Variants in ARGLU1 observed in about 807,000 individuals in gnomAD.
The protein encoded by ARGLU1 is arginine and glutamate rich 1, also known as arginine and glutamate-rich protein 1.
In ARGLU1, 9 loss-of-function variants were observed where a neutral mutation model predicts 37.6. That is an observed-to-expected ratio of 0.24 (90% confidence interval 0.14 to 0.42). ARGLU1 has a LOEUF of 0.42. Ranked by LOEUF, ARGLU1 falls within the 10% of genes least tolerant of loss-of-function variation. ARGLU1 has a pLI of 1.00. For missense variants in ARGLU1, 211 were observed against 359.2 expected, an observed-to-expected ratio of 0.59 and a Z score of 3.34; for synonymous variants, 166 against 138.5, an observed-to-expected ratio of 1.20 and a Z score of -1.39.
At chr13:106,556,377 C>T (rs924055911) in intron 3 of ARGLU1, among the ~76,000 whole-genome samples, 4 of 152,150 alleles carry the variant, frequency 2.6e-5, no homozygotes, top group Admixed American at 6.5e-5. Context: ...GAAACAACTG[C>T]CCCGTATTAA....
At chr13:106,564,422 A>G (rs760919291) in intron 1 of ARGLU1, among the ~76,000 whole-genome samples, 2 of 152,248 alleles carry the variant, frequency 1.3e-5, no homozygotes, top group Admixed American at 6.5e-5. Context: ...ACTCAGAATT[A>G]TAAGTGGTAA....
Position 106,557,733 on chromosome 13 carries a change from A to G in ARGLU1, c.574-602T>C, listed in dbSNP as rs1208243372. On this transcript the variant is annotated intron_variant, in intron 2 of 3. Transcript: ENST00000400198. The surrounding 1 kb of genome is among the most constrained non-coding windows in gnomAD (Gnocchi z 5.0). ...AGGAATGCAGATGTTTATGGTAAGA[A>G]GGAACAAAAAATGTAATTCATCATT... is the stretch of plus-strand genomic sequence containing the variant. The G allele has an allele frequency of 7.3e-7, 1 of 1,361,186 alleles. No homozygotes were observed. Among genetic ancestry groups the G allele is most frequent in the Non-Finnish European group, 9.6e-7 (1 of 1,045,900 alleles). 84.3% of individuals were successfully genotyped at this position (1,361,186 alleles called of 1,614,324 possible).
intron 1 of ARGLU1, among the ~76,000 whole-genome samples, chr13:106,565,235 G>A (rs1594196123): frequency 6.6e-6 from 1 of 152,104 alleles, no homozygotes; most frequent in South Asian, 2.1e-4. Context: ...GTCACTCCAT[G>A]ACTTAAATAT....
chr13:106,549,699 CCT>C (rs757140302), intron 3 of ARGLU1, among the ~76,000 whole-genome samples: 6 of 152,170 alleles, frequency 3.9e-5, no homozygotes, highest in African/African-American at 7.2e-5. Context: ...CCCTTTACCC[CCT>C]TTTATTCTTA....
chr13:106,552,348 CA>C (rs1218797135), intron 3 of ARGLU1, among the ~76,000 whole-genome samples: 1 of 152,162 alleles, frequency 6.6e-6, no homozygotes, highest in Non-Finnish European at 1.5e-5. Flanking sequence ...CATCTCCCAT[CA>C]AAAGTAATTT....
chr13:106,567,978 GC>G lies in ARGLU1; in HGVS notation c.-60del. On this transcript the variant is annotated 5_prime_UTR_variant, in exon 1 of 4. Coordinates refer to ENST00000400198, the MANE Select transcript of ARGLU1 (RefSeq NM_018011.4). This position sits in a 1 kb window ranked among gnomAD's most constrained non-coding sequence, Gnocchi z 4.3. Reference sequence around the variant, plus strand: ...GCCCCTCACGCGGCCAGTTCCCCTCGCCTCCGCCTTCGGACGCGGGCTGGCG... The same window carrying G: ...GCCCCTCACGCGGCCAGTTCCCCTCGCTCCGCCTTCGGACGCGGGCTGGCG... The G allele has an allele frequency of 6.5e-7, 1 of 1,527,518 alleles. No homozygotes were observed. The highest frequency in any genetic ancestry group is 8.7e-7 in the Non-Finnish European group (1 of 1,150,212). 94.6% of individuals were successfully genotyped at this position (1,527,518 alleles called of 1,614,324 possible). A position where few individuals can be genotyped will look rare whatever the true frequency, so the allele number is the denominator to read the frequency against.
In ARGLU1 at chr13:106,542,170, A is replaced by AT. The variant is rs1038542435; in HGVS notation, c.*1825dup. The AT allele has an allele frequency of 6.6e-5, 10 of 152,174 alleles. No homozygotes were observed. Among genetic ancestry groups the AT allele is most frequent in the African/African-American group, 1.2e-4 (5 of 41,438 alleles). The allele number at this position is 152,174 out of a possible 1,614,324, so 9.4% of individuals were successfully genotyped here. On this transcript the variant is annotated 3_prime_UTR_variant, in exon 4 of 4. Coordinates refer to ENST00000400198, the MANE Select transcript of ARGLU1 (RefSeq NM_018011.4). ...AGGCACGCATAAGCTGATTTCAAAT[A>AT]TTTTAAGTCCAGGCTACTCTCTTTA...
Position 106,558,000 on chromosome 13 carries a change from T to C in ARGLU1, c.574-869A>G, listed in dbSNP as rs1185540592. On this transcript the variant is annotated intron_variant, in intron 2 of 3. Transcript: ENST00000400198. The surrounding 1 kb of genome is among the most constrained non-coding windows in gnomAD (Gnocchi z 5.0). ...ACTTATTTTTTCTTGGAGAATTTAA[T>C]GAGATTTTATAATGCAAACTGTATG... 1.0e-5 allele frequency: 10 copies of C among 985,264 alleles called. No individual in the cohort carries two copies. The highest frequency in any genetic ancestry group is 1.2e-5 in the Non-Finnish European group (10 of 829,898). The allele number at this position is 985,264 out of a possible 1,614,324, so 61.0% of individuals were successfully genotyped here.
Position 106,544,894 on chromosome 13 carries a change from G to A in ARGLU1, c.658-734C>T, listed in dbSNP as rs544267352. Reference sequence around the variant, plus strand: ...ATAAAGTGCTATCTAATTTCAAAAGGACACTGGTATAACTGATTCCACTCC... The same window carrying A: ...ATAAAGTGCTATCTAATTTCAAAAGAACACTGGTATAACTGATTCCACTCC... On this transcript the variant is annotated intron_variant, in intron 3 of 3. Coordinates refer to ENST00000400198, the MANE Select transcript of ARGLU1 (RefSeq NM_018011.4). Among the ~76,000 whole-genome samples the A allele has an allele frequency of 2.6e-5, 4 of 152,240 alleles. No homozygotes were observed. In the South Asian group the frequency reaches 8.3e-4, roughly 32 times the overall value.
At position 106,568,099 on chromosome 13, in the gene ARGLU1, G is replaced by A; in HGVS notation, c.-180C>T. 12 of 961,284 alleles carry A rather than the reference G, an allele frequency of 1.2e-5. No homozygotes were observed. Among genetic ancestry groups the A allele is most frequent in the Non-Finnish European group, 1.7e-5 (12 of 691,472 alleles). 59.5% of individuals were successfully genotyped at this position (961,284 alleles called of 1,614,324 possible). ...CTGCCACGAAGGCCGCCTCCAACGAGAAACCCGTAGCGCCAGGCGCCCCTA... is the reference window on the plus strand; with the variant it reads ...CTGCCACGAAGGCCGCCTCCAACGAAAAACCCGTAGCGCCAGGCGCCCCTA... On this transcript the variant is annotated 5_prime_UTR_variant, in exon 1 of 4. Coordinates refer to ENST00000400198, the MANE Select transcript of ARGLU1 (RefSeq NM_018011.4).
chr13:106,558,325 G>C, intron 2 of ARGLU1: 2 of 985,072 alleles, frequency 2.0e-6, no homozygotes, highest in Non-Finnish European at 2.4e-6. Flanking sequence ...TCTAGTTAAA[G>C]ACAGGACAAG....
At chr13:106,546,496 C>T (rs1399952718) in intron 3 of ARGLU1, among the ~76,000 whole-genome samples, 2 of 152,160 alleles carry the variant, frequency 1.3e-5, no homozygotes, top group African/African-American at 4.8e-5. Context: ...CACTCTCTTC[C>T]TTAGGCTTTC....
chr13:106,551,056 C>A (rs1243554454), intron 3 of ARGLU1, among the ~76,000 whole-genome samples: 1 of 152,196 alleles, frequency 6.6e-6, no homozygotes, highest in Non-Finnish European at 1.5e-5. Flanking sequence ...TGAGATAGTA[C>A]GGGAACCTAT....
intron 3 of ARGLU1, among the ~76,000 whole-genome samples, chr13:106,556,411 A>C (rs1880662533): frequency 6.6e-6 from 1 of 152,198 alleles, no homozygotes; most frequent in African/African-American, 2.4e-5. Flanking sequence ...TATTAAGGTT[A>C]TTTATGGTCT....
At chr13:106,566,519 T>C (rs1474412697) in intron 1 of ARGLU1, among the ~76,000 whole-genome samples, 1 of 152,206 alleles carries the variant, frequency 6.6e-6, no homozygotes, top group African/African-American at 2.4e-5. Context: ...AGTAGGACTG[T>C]TCAAATCTAC....
In ARGLU1 at chr13:106,557,246, G is replaced by A. The variant is rs1566473726; in HGVS notation, c.574-115C>T. On this transcript the variant is annotated intron_variant, in intron 2 of 3. Transcript: ENST00000400198. This position sits in a 1 kb window ranked among gnomAD's most constrained non-coding sequence, Gnocchi z 5.0. Reference sequence around the variant, plus strand: ...ATATGACTTACAGGGTAGCTTTATAGCTACCTTCTGTCTGACAAATGATAA... The same window carrying A: ...ATATGACTTACAGGGTAGCTTTATAACTACCTTCTGTCTGACAAATGATAA... The A allele has an allele frequency of 1.1e-6, 1 of 892,000 alleles. No homozygotes were observed. The allele number at this position is 892,000 out of a possible 1,614,324, so 55.3% of individuals were successfully genotyped here. A position where few individuals can be genotyped will look rare whatever the true frequency, so the allele number is the denominator to read the frequency against.
chr13:106,547,511 A>C (rs1398097350), intron 3 of ARGLU1, among the ~76,000 whole-genome samples: 1 of 152,224 alleles, frequency 6.6e-6, no homozygotes, highest in Non-Finnish European at 1.5e-5. Flanking sequence ...AAGATATATA[A>C]AGGAGAATAT....
intron 1 of ARGLU1, among the ~76,000 whole-genome samples, chr13:106,560,054 A>G (rs1019119977): frequency 6.6e-6 from 1 of 152,200 alleles, no homozygotes; most frequent in Non-Finnish European, 1.5e-5. Flanking sequence ...AGCTACAGAG[A>G]AGGAGAAATT....
Position 106,557,014 on chromosome 13 carries a change from T to C in ARGLU1, c.657+34A>G, listed in dbSNP as rs763627268. 7 of 1,570,856 alleles carry C rather than the reference T, an allele frequency of 4.5e-6. No individual in the cohort carries two copies. In the Admixed American group the frequency reaches 1.0e-4, roughly 23 times the overall value. The stretch of plus-strand genomic sequence containing the variant: ...TCCGAAAAAAGGAAATAAAGCAAAA[T>C]ACAAAACACTTTTCATGTATGCTTT... On this transcript the variant is annotated intron_variant, in intron 3 of 3. Transcript: ENST00000400198. The surrounding 1 kb of genome is among the most constrained non-coding windows in gnomAD (Gnocchi z 5.0).
Sources: allele counts gnomAD v4.1 joint callset (sites outside exome capture counted in the v4.1 genomes callset), GRCh38; gene constraint gnomAD v4.1.1; non-coding constraint Gnocchi (gnomAD v3.1); transcripts MANE v1.5; gene names NCBI Gene and HGNC (gene_info 2026-07-23, HGNC 2026-07-21).